ACTN2: variants seen among roughly 807,000 people sequenced by gnomAD.
ACTN2 encodes actinin alpha 2.
Under a neutral mutation model 113.8 loss-of-function variants are expected in ACTN2, and 39 were observed. The ratio of observed to expected loss-of-function variants is 0.34; its 90% CI spans 0.27 to 0.45. The LOEUF (loss-of-function observed/expected upper bound fraction) is 0.45, where lower values mean the gene tolerates loss of function less well. Among genes scored for constraint, ACTN2 ranks in the 20% least tolerant of loss-of-function variants. The pLI, the probability that ACTN2 is intolerant of heterozygous loss-of-function variation, is 1.00. For synonymous variants in ACTN2, 429 were observed against 444.1 expected (o/e 0.97, Z 0.43); for missense variants, 992 against 1,177.9 (o/e 0.84, Z 2.31).
chr1:236,734,603 C>A (rs963886135), intron 7 of ACTN2: 7 of 1,003,208 alleles, frequency 7.0e-6, no homozygotes, highest in African/African-American at 4.9e-5. Context: ...TTTTTTCCCC[C>A]CTCTCCTCCG....
At chr1:236,719,798 C>CAA (rs202216207) in intron 3 of ACTN2, among the ~76,000 whole-genome samples, 15 of 93,112 alleles carry the variant, frequency 1.6e-4, no homozygotes, top group Admixed American at 2.4e-4. Context: ...GACTCCATCT[C>CAA]AAAAAAAAAA....
At chr1:236,696,430 A>G (rs1657503134) in intron 1 of ACTN2, among the ~76,000 whole-genome samples, 1 of 152,198 alleles carries the variant, frequency 6.6e-6, no homozygotes, top group Admixed American at 6.5e-5. Context: ...AAATCAAGAA[A>G]TCCTATCTTC....
chr1:236,701,385 A>ATC (rs888494017), intron 1 of ACTN2, among the ~76,000 whole-genome samples: 3 of 152,146 alleles, frequency 2.0e-5, no homozygotes, highest in African/African-American at 7.2e-5. Context: ...ATGTATATAT[A>ATC]TCTCATATAT....
chr1:236,720,858 A>G (rs1658362495), intron 4 of ACTN2, among the ~76,000 whole-genome samples: 2 of 152,092 alleles, frequency 1.3e-5, no homozygotes, highest in Non-Finnish European at 2.9e-5. Context: ...CACAAAGTGT[A>G]TAACTGCAGA....
At chr1:236,713,226 C>CTTTTTTTT (rs60295974) in intron 1 of ACTN2, among the ~76,000 whole-genome samples, 3 of 144,020 alleles carry the variant, frequency 2.1e-5, no homozygotes, top group East Asian at 2.0e-4. Flanking sequence ...GTTCTTTTTT[C>CTTTTTTTT]TTTTTTTTTT....
At chr1:236,758,624 T>TTGTTC (rs111582947) in intron 18 of ACTN2, among the ~76,000 whole-genome samples, 1,965 of 150,314 alleles carry the variant, frequency 0.013, 56 homozygotes, top group East Asian at 0.092. Flanking sequence ...TTGTTTTGTT[T>TTGTTC]TGTTCTGTTT....
chr1:236,695,561 G>C (rs1369835417), intron 1 of ACTN2, among the ~76,000 whole-genome samples: 1 of 42,624 alleles, frequency 2.3e-5, no homozygotes, highest in Non-Finnish European at 5.9e-5. Flanking sequence ...TTTGAAATGA[G>C]TTCCCCCCCC....
chr1:236,686,972 G>A (rs1665895035), intron 1 of ACTN2, among the ~76,000 whole-genome samples, 173 bp downstream of exon 1: 1 of 152,114 alleles, frequency 6.6e-6, no homozygotes, highest in Admixed American at 6.5e-5. Context: ...ACACGTCCGG[G>A]GACAGGCAGG....
Position 236,755,014 on chromosome 1 carries a change from C to G in ACTN2, c.1975-5C>G, listed in dbSNP as rs369148572. 1.4e-5 allele frequency: 23 copies of G among 1,614,080 alleles called. No homozygotes were observed. The highest frequency in any genetic ancestry group is 8.0e-5 in the African/African-American group (6 of 74,926). On this transcript the variant is annotated splice_polypyrimidine_tract_variant and splice_region_variant and intron_variant, in intron 16 of 20. Transcript: ENST00000366578. ...TCTCTCTGCTTGCTCACTCGCCCCC[C>G]TCAGGAGATTGCCCGGAGCTCCATC...
At chr1:236,703,975 A>C (rs745770082) in intron 1 of ACTN2, among the ~76,000 whole-genome samples, 12 of 152,220 alleles carry the variant, frequency 7.9e-5, no homozygotes, top group Non-Finnish European at 1.3e-4. Context: ...TGATAAATGT[A>C]AGATCTTTAT....
chr1:236,736,493 C>T lies in ACTN2; in HGVS notation c.784-629C>T. 3 of 1,071,728 alleles carry T rather than the reference C, an allele frequency of 2.8e-6. No homozygotes were observed. The South Asian group carries it at 4.4e-5, about 16-fold the overall frequency. The allele number at this position is 1,071,728 out of a possible 1,614,324, so 66.4% of individuals were successfully genotyped here. A position where few individuals can be genotyped will look rare whatever the true frequency, so the allele number is the denominator to read the frequency against. The stretch of plus-strand genomic sequence containing the variant: ...GGTTCAAGGCGCTTTGCCACTCCTG[C>T]CCCAAGTTCCTTTCCACGAAAGATG... On this transcript the variant is annotated intron_variant, in intron 8 of 20. Transcript: ENST00000366578.
intron 1 of ACTN2, among the ~76,000 whole-genome samples, chr1:236,687,519 G>A (rs1248207223): frequency 6.6e-6 from 1 of 152,186 alleles, no homozygotes; most frequent in African/African-American, 2.4e-5. Context: ...GCTTAATCCC[G>A]CCTCTTACTT....
chr1:236,737,298 C>CATATATATATATATATATAT (rs67318171), intron 9 of ACTN2, 84 bp downstream of exon 9: 12 of 344,346 alleles, frequency 3.5e-5, no homozygotes, highest in African/African-American at 1.8e-4. Context: ...TCCGTGGGGG[C>CATATATATATATATATATAT]ATATATATAT....
intron 1 of ACTN2, among the ~76,000 whole-genome samples, chr1:236,711,888 C>A (rs150068110): frequency 9.2e-5 from 14 of 152,290 alleles, no homozygotes; most frequent in African/African-American, 3.4e-4. Context: ...TGTGTCAGGG[C>A]AGCTTCTGGA....
rs1461009078 is a variant in ACTN2 at position 236,764,052 on chromosome 1, A to C, written c.*1433A>C. On this transcript the variant is annotated 3_prime_UTR_variant, in exon 21 of 21. Transcript: ENST00000366578. ...AAGCAGTAACATGTCTGTTACCTAC[A>C]GTCTGTTTGCTCAGATTTTTATAGA... 2 of 152,222 alleles carry C rather than the reference A, an allele frequency of 1.3e-5. No individual in the cohort carries two copies. Among genetic ancestry groups the C allele is most frequent in the South Asian group, 4.1e-4 (2 of 4,834 alleles). 9.4% of individuals were successfully genotyped at this position (152,222 alleles called of 1,614,324 possible).
At chr1:236,696,405 T>A (rs1286467041) in intron 1 of ACTN2, among the ~76,000 whole-genome samples, 1 of 152,086 alleles carries the variant, frequency 6.6e-6, no homozygotes, top group East Asian at 1.9e-4. Context: ...TAGTTATAAT[T>A]GAGATTGCAA....
chr1:236,736,974 C>T, intron 8 of ACTN2, 148 bp from the exon 9 acceptor site: 1 of 680,892 alleles, frequency 1.5e-6, no homozygotes. Flanking sequence ...ATAAGCCATG[C>T]CTTCAGTCTG....
chr1:236,738,631 C>T (rs1341382803), intron 9 of ACTN2, among the ~76,000 whole-genome samples: 1 of 152,218 alleles, frequency 6.6e-6, no homozygotes, highest in Admixed American at 6.5e-5. Context: ...AATCTGCTGT[C>T]ATTTTCCAAG....
intron 7 of ACTN2, among the ~76,000 whole-genome samples, chr1:236,731,563 A>G (rs972155342): frequency 6.6e-6 from 1 of 152,262 alleles, no homozygotes; most frequent in African/African-American, 2.4e-5. Flanking sequence ...TTTGGTAAAA[A>G]GTTCAGCTTT....
Sources: allele counts gnomAD v4.1 joint callset (sites outside exome capture counted in the v4.1 genomes callset), GRCh38; gene constraint gnomAD v4.1.1; transcripts MANE v1.5; gene names NCBI Gene and HGNC (gene_info 2026-07-23, HGNC 2026-07-21).